The following RPA1 variants were observed in gnomAD, a reference collection of about 807,000 sequenced individuals.
The protein encoded by RPA1 is replication protein A1.
RPA1 carries 49 observed loss-of-function variants against 83.0 expected under a neutral mutation model. The observed-to-expected ratio is 0.59, with a 90% CI of 0.47 to 0.75. RPA1 has a LOEUF of 0.75. Ranked by LOEUF, RPA1 falls within the 30% of genes least tolerant of loss-of-function variation. RPA1 has a pLI of 0.00. For synonymous variants in RPA1, 279 were observed against 281.8 expected, an observed-to-expected ratio of 0.99 and a Z score of 0.10; for missense variants, 693 against 776.1, an observed-to-expected ratio of 0.89 and a Z score of 1.27.
At chr17:1,855,304 G>C (rs1330731211) in intron 5 of RPA1, among the ~76,000 whole-genome samples, 1 of 151,658 alleles carries the variant, frequency 6.6e-6, no homozygotes, top group East Asian at 1.9e-4. Flanking sequence ...TGGGATTACA[G>C]GTGTATGACA....
chr17:1,878,837 C>G (rs563452108), intron 8 of RPA1, among the ~76,000 whole-genome samples, 156 bp from the exon 9 acceptor site: 3 of 152,238 alleles, frequency 2.0e-5, no homozygotes, highest in Admixed American at 2.0e-4. Context: ...CCTGGGATGT[C>G]CGTAGCCCTC....
At chr17:1,831,231 C>T (rs377629431) in intron 1 of RPA1, among the ~76,000 whole-genome samples, 12 of 152,176 alleles carry the variant, frequency 7.9e-5, no homozygotes, top group African/African-American at 2.9e-4. Context: ...AATTCTTTAT[C>T]TTTCTAAGTC....
chr17:1,874,032 T>TATATATATACACAC (rs1171343408), intron 6 of RPA1, among the ~76,000 whole-genome samples: 29 of 79,244 alleles, frequency 3.7e-4, no homozygotes, highest in African/African-American at 1.8e-3. Context: ...TATATATATA[T>TATATATATACACAC]ACACACACAC....
At chr17:1,887,054 GGCTT>G (rs1337159043) in intron 13 of RPA1, among the ~76,000 whole-genome samples, 1 of 152,064 alleles carries the variant, frequency 6.6e-6, no homozygotes, top group Non-Finnish European at 1.5e-5. Context: ...AGAATGTTGT[GGCTT>G]GCTTGATATT....
chr17:1,891,683 G>A (rs1463576076), intron 14 of RPA1, 150 bp from the exon 15 acceptor site: 8 of 512,594 alleles, frequency 1.6e-5, no homozygotes, highest in Non-Finnish European at 2.7e-5. Context: ...GCCTCCCAAA[G>A]TGCTGGGATG....
chr17:1,839,724 C>G (rs1047643027), intron 1 of RPA1, among the ~76,000 whole-genome samples: 1 of 149,862 alleles, frequency 6.7e-6, no homozygotes, highest in African/African-American at 2.5e-5. Flanking sequence ...GCAGCTTTAT[C>G]TCCCTGGCTC....
chr17:1,846,345 C>A (rs1436222918), intron 4 of RPA1, among the ~76,000 whole-genome samples: 2 of 136,898 alleles, frequency 1.5e-5, no homozygotes, highest in Non-Finnish European at 3.1e-5. Context: ...CTCCTGAGGC[C>A]TCACTCTGGT....
At chr17:1,888,083 G>A (rs550271064) in intron 13 of RPA1, among the ~76,000 whole-genome samples, 3 of 152,308 alleles carry the variant, frequency 2.0e-5, no homozygotes, top group African/African-American at 7.2e-5. Flanking sequence ...ACAATAAAGT[G>A]AGGTGTGTCT....
At chr17:1,837,082 C>T (rs191270911) in intron 1 of RPA1, among the ~76,000 whole-genome samples, 35 of 151,988 alleles carry the variant, frequency 2.3e-4, no homozygotes, top group Admixed American at 7.2e-4. Flanking sequence ...GTGATCCACC[C>T]GCCTCAGCCT....
chr17:1,836,404 C>T (rs570373403), intron 1 of RPA1, among the ~76,000 whole-genome samples: 43 of 152,084 alleles, frequency 2.8e-4, no homozygotes, highest in Non-Finnish European at 4.6e-4. Context: ...GCCACCATGC[C>T]CGGCCAAATT....
chr17:1,883,304 C>T (rs555795366), intron 12 of RPA1, among the ~76,000 whole-genome samples: 15 of 152,162 alleles, frequency 9.9e-5, no homozygotes, highest in Non-Finnish European at 2.2e-4. Context: ...GCTGGGATTA[C>T]AGGCACCCAC....
Position 1,868,090 on chromosome 17 carries a change from GA to G in RPA1, c.362-4335del, listed in dbSNP as rs879853659. ...TGGAGCAATACCCTGTCTCAAGGGGGAAAAAAAAAGAAAATAAACATAGGGC... is the reference window on the plus strand; with the variant it reads ...TGGAGCAATACCCTGTCTCAAGGGGGAAAAAAAAGAAAATAAACATAGGGC... On this transcript the variant is annotated intron_variant, in intron 5 of 16. Transcript: ENST00000254719. Among the ~76,000 whole-genome samples the G allele has an allele frequency of 1.6e-3, 247 of 150,314 alleles. 2 individuals carry two copies. The highest frequency in any genetic ancestry group is 4.8e-3 in the African/African-American group (196 of 40,980).
At chr17:1,842,654 A>C in intron 1 of RPA1, 149 bp from the exon 2 acceptor site, 1 of 652,300 alleles carries the variant, frequency 1.5e-6, no homozygotes. Flanking sequence ...ATTTGTCCAG[A>C]GTGATAAACT....
At chr17:1,882,314 A>G (rs1913826969) in intron 12 of RPA1, among the ~76,000 whole-genome samples, 2 of 152,160 alleles carry the variant, frequency 1.3e-5, no homozygotes, top group Non-Finnish European at 2.9e-5. Context: ...CTAAGAAGGT[A>G]AATCTACAAG....
chr17:1,848,148 G>T (rs529369639), intron 4 of RPA1, among the ~76,000 whole-genome samples: 1 of 152,202 alleles, frequency 6.6e-6, no homozygotes, highest in Non-Finnish European at 1.5e-5. Flanking sequence ...GTTCTAAAGT[G>T]AGGTAGTGGT....
At chr17:1,885,007 C>A (rs1251817785) in intron 13 of RPA1, among the ~76,000 whole-genome samples, 1 of 152,172 alleles carries the variant, frequency 6.6e-6, no homozygotes, top group Non-Finnish European at 1.5e-5. Context: ...AAGTGTGCCA[C>A]ATTGGTTGAC....
chr17:1,888,448 C>T (rs958586044), intron 13 of RPA1, among the ~76,000 whole-genome samples: 5 of 152,180 alleles, frequency 3.3e-5, no homozygotes, highest in Admixed American at 2.6e-4. Context: ...AATTATCTGC[C>T]TCAGAACTTG....
intron 4 of RPA1, 114 bp downstream of exon 4, chr17:1,844,800 C>A: frequency 1.5e-6 from 1 of 679,054 alleles, no homozygotes; most frequent in Non-Finnish European, 2.4e-6. Context: ...CAGTTAAGAA[C>A]TCAGGTAGCT....
At chr17:1,890,494 C>G (rs1914162703) in intron 14 of RPA1, among the ~76,000 whole-genome samples, 1 of 152,092 alleles carries the variant, frequency 6.6e-6, no homozygotes, top group African/African-American at 2.4e-5. Context: ...AACCCTGTCT[C>G]TACTAAAAGT....
Sources: allele counts gnomAD v4.1 joint callset (sites outside exome capture counted in the v4.1 genomes callset), GRCh38; gene constraint gnomAD v4.1.1; transcripts MANE v1.5; gene names NCBI Gene and HGNC (gene_info 2026-07-23, HGNC 2026-07-21).